Variants in ABCA3 observed in about 807,000 individuals in gnomAD.
ABCA3 encodes the protein ATP binding cassette subfamily A member 3, also known as phospholipid-transporting ATPase ABCA3.
Under a neutral mutation model 172.8 loss-of-function variants are expected in ABCA3, and 88 were observed. The ratio of observed to expected loss-of-function variants is 0.51; its 90% CI spans 0.43 to 0.61. The LOEUF (loss-of-function observed/expected upper bound fraction) is 0.61, where lower values mean the gene tolerates loss of function less well. Among genes scored for constraint, ABCA3 ranks in the 20% least tolerant of loss-of-function variants. The pLI is 0.00. For missense variants in ABCA3, 2,164 were observed against 2,301.0 expected (o/e 0.94, Z 1.22); for synonymous variants, 1,066 against 983.8 (o/e 1.08, Z -1.56).
rs1231161342 is a variant in ABCA3, at chr16:2,326,164, G to A, written c.165C>T (p.Thr55=). The change falls in exon 5 of 33, where the codon ACC becomes ACT. Residue 55 remains threonine, a synonymous_variant. Transcript: ENST00000301732. The part of the protein sequence containing the change: ...KIQSENVPNA[T]IYPGQSIQEL... ...CCTGGATGGACTGGCCCGGGTAGAT[G>A]GTGGCGTTGGGCACATTTTCCGACT... 1 of 1,614,172 alleles carries A rather than the reference G, an allele frequency of 6.2e-7. No homozygotes were observed. The highest frequency in any genetic ancestry group is 8.5e-7 in the Non-Finnish European group (1 of 1,180,052).
rs2093697477 is a variant in ABCA3 at position 2,306,307 on chromosome 16, G to GCCTC, written c.1285+2142_1285+2143insGAGG. 2.6e-5 allele frequency among the ~76,000 whole-genome samples: 4 copies of GCCTC among 152,074 alleles called. No homozygotes were observed. In the South Asian group the frequency reaches 8.3e-4, roughly 32 times the overall value. The stretch of plus-strand genomic sequence containing the variant: ...GCTACTGCACTCCAGCCTGGGCAAT[G>GCCTC]GAGTAAGACCCTATCTCCAAAAAAA... On this transcript the variant is annotated intron_variant, in intron 11 of 32. Transcript: ENST00000301732.
At position 2,297,190 on chromosome 16, in the gene ABCA3, T is replaced by C; in HGVS notation, c.2263+139A>G. 1 of 936,988 alleles carries C rather than the reference T, an allele frequency of 1.1e-6. No homozygotes were observed. Among genetic ancestry groups the C allele is most frequent in the South Asian group, 1.4e-5 (1 of 71,408 alleles). The allele number at this position is 936,988 out of a possible 1,614,324, so 58.0% of individuals were successfully genotyped here. A position where few individuals can be genotyped will look rare whatever the true frequency, so the allele number is the denominator to read the frequency against. ...CAAGCCCCCCTGCCTGGTTGGGCTC[T>C]CCACCCAGAGGCAACAGACAGGAAG... On this transcript the variant is annotated intron_variant, in intron 17 of 32. Coordinates refer to ENST00000301732, the MANE Select transcript of ABCA3 (RefSeq NM_001089.3). This position sits in a 1 kb window ranked among gnomAD's most constrained non-coding sequence, Gnocchi z 5.6.
intron 17 of ABCA3, among the ~76,000 whole-genome samples, chr16:2,296,697 G>C (rs1307266144): frequency 6.6e-6 from 1 of 152,210 alleles, no homozygotes; most frequent in Non-Finnish European, 1.5e-5. Context: ...ACAAAACCCT[G>C]GTATCTTGGC....
At chr16:2,315,641 G>A (rs1000112690) in intron 10 of ABCA3, among the ~76,000 whole-genome samples, 5 of 152,172 alleles carry the variant, frequency 3.3e-5, no homozygotes, top group East Asian at 1.9e-4. Flanking sequence ...GCACAGGAAT[G>A]TCACATAGGA....
At chr16:2,325,576 C>T (rs577749585) in intron 5 of ABCA3, among the ~76,000 whole-genome samples, 8 of 152,260 alleles carry the variant, frequency 5.3e-5, no homozygotes, top group Non-Finnish European at 7.4e-5. Context: ...TCTGCCAGGT[C>T]GTATTTAAGT....
chr16:2,325,475 C>T (rs764437367), intron 5 of ABCA3, among the ~76,000 whole-genome samples: 13 of 152,160 alleles, frequency 8.5e-5, no homozygotes, highest in Admixed American at 3.3e-4. Flanking sequence ...GCTCAGCCGC[C>T]GAGAAGAGAT....
At chr16:2,302,196 T>G (rs756335649) in intron 12 of ABCA3, among the ~76,000 whole-genome samples, 24 of 152,354 alleles carry the variant, frequency 1.6e-4, no homozygotes, top group Middle Eastern at 3.4e-3. Flanking sequence ...CTGAAGGCTG[T>G]GAGACCCCTG....
chr16:2,327,945 T>G (rs1321297233), intron 3 of ABCA3, among the ~76,000 whole-genome samples: 1 of 152,100 alleles, frequency 6.6e-6, no homozygotes, highest in Non-Finnish European at 1.5e-5. Context: ...GGTCTTGAAC[T>G]CCTGACCTCA....
chr16:2,281,023 C>G lies in ABCA3; in HGVS notation c.4359+4G>C, dbSNP rs1567336567. 1.2e-6 allele frequency: 2 copies of G among 1,613,788 alleles called. No homozygotes were observed. Among genetic ancestry groups the G allele is most frequent in the Non-Finnish European group, 1.7e-6 (2 of 1,180,024 alleles). On this transcript the variant is annotated splice_donor_region_variant and intron_variant, in intron 28 of 32. Transcript: ENST00000301732. This position sits in a 1 kb window ranked among gnomAD's most constrained non-coding sequence, Gnocchi z 4.7. ...CCCTTCAGAGCCTCCCTGGCTGCAC[C>G]CACCTTTCCGACATCAGAGCTGATT...
In ABCA3 at chr16:2,279,472, G is replaced by A. The variant is rs550207954; in HGVS notation, c.4360-342C>T. Among the ~76,000 whole-genome samples the A allele has an allele frequency of 6.6e-6, 1 of 152,298 alleles. No homozygotes were observed. Among genetic ancestry groups the A allele is most frequent in the Non-Finnish European group, 1.5e-5 (1 of 68,028 alleles). On this transcript the variant is annotated intron_variant, in intron 28 of 32. Coordinates refer to ENST00000301732, the MANE Select transcript of ABCA3 (RefSeq NM_001089.3). The surrounding 1 kb of genome is among the most constrained non-coding windows in gnomAD (Gnocchi z 4.4). Reference sequence around the variant, plus strand: ...CTGGCTACCCACTCATTCACACCTGGGACATCTGATGTGCTAGGACTCTTT... The same window carrying A: ...CTGGCTACCCACTCATTCACACCTGAGACATCTGATGTGCTAGGACTCTTT...
At chr16:2,289,292 G>T in intron 20 of ABCA3, 142 bp downstream of exon 20, 1 of 1,027,590 alleles carries the variant, frequency 9.7e-7, no homozygotes, top group Non-Finnish European at 1.4e-6. Context: ...GGTGTGAGCC[G>T]CTGCCCGCCC....
intron 10 of ABCA3, among the ~76,000 whole-genome samples, chr16:2,309,055 C>A (rs2093702510): frequency 6.6e-6 from 1 of 152,212 alleles, no homozygotes; most frequent in Non-Finnish European, 1.5e-5. Flanking sequence ...ACGCCATTCT[C>A]CTACCTCAGC....
chr16:2,316,424 C>T (rs1247225352), intron 10 of ABCA3, among the ~76,000 whole-genome samples: 1 of 135,784 alleles, frequency 7.4e-6, no homozygotes, highest in African/African-American at 2.7e-5. Flanking sequence ...GAGTATGGAT[C>T]GCTTGAGGTC....
rs960465967 is a variant in ABCA3, at chr16:2,283,474, T to C, written c.3863-116A>G. ...TCAAGGCGCCTGTAACAATGTCCCC[T>C]CCATGGGGAGATGTGAAGGCCAGTA... On this transcript the variant is annotated intron_variant, in intron 25 of 32. Transcript: ENST00000301732. The surrounding 1 kb of genome is among the most constrained non-coding windows in gnomAD (Gnocchi z 5.4). The C allele has an allele frequency of 8.3e-7, 1 of 1,208,906 alleles. No homozygotes were observed. Among genetic ancestry groups the C allele is most frequent in the African/African-American group, 1.5e-5 (1 of 65,616 alleles). 74.9% of individuals were successfully genotyped at this position (1,208,906 alleles called of 1,614,324 possible).
Position 2,276,567 on chromosome 16 carries a change from A to T in ABCA3, c.*107T>A, listed in dbSNP as rs1046688170. The T allele has an allele frequency of 2.6e-6, 4 of 1,539,070 alleles. No homozygotes were observed. In the East Asian group the frequency reaches 9.4e-5, roughly 36 times the overall value. ...TGAATTTTTCATATCCATCATAGAA[A>T]AAAGTGATTAAAAATAAAGGATGAG... On this transcript the variant is annotated 3_prime_UTR_variant, in exon 33 of 33. Transcript: ENST00000301732.
Position 2,276,157 on chromosome 16 carries a change from A to G in ABCA3, c.*517T>C. 2.8e-6 allele frequency: 1 copy of G among 362,048 alleles called. No homozygotes were observed. The highest frequency in any genetic ancestry group is 5.5e-6 in the Non-Finnish European group (1 of 180,524). The allele number at this position is 362,048 out of a possible 1,614,324, so 22.4% of individuals were successfully genotyped here. ...TGCCCCCGGGCTGCGCTGGACGCTA[A>G]GACCCCAGCACCTAATCACAGTCAG... On this transcript the variant is annotated 3_prime_UTR_variant, in exon 33 of 33. Coordinates refer to ENST00000301732, the MANE Select transcript of ABCA3 (RefSeq NM_001089.3).
intron 10 of ABCA3, among the ~76,000 whole-genome samples, chr16:2,309,235 C>G (rs1248599517): frequency 6.6e-6 from 1 of 152,210 alleles, no homozygotes; most frequent in African/African-American, 2.4e-5. Flanking sequence ...CGTGAGCCAC[C>G]GTGCCCAGCC....
chr16:2,318,670 G>A (rs534379496), intron 8 of ABCA3, among the ~76,000 whole-genome samples: 3 of 151,958 alleles, frequency 2.0e-5, no homozygotes, highest in Admixed American at 1.3e-4. Context: ...ATGCTACCAC[G>A]CCTGGCTAAT....
chr16:2,292,357 T>C, intron 18 of ABCA3, 119 bp from the exon 19 acceptor site: 1 of 825,890 alleles, frequency 1.2e-6, no homozygotes, highest in South Asian at 1.4e-5. Context: ...CCCAGCACTT[T>C]GGGACGCCAA....
Sources: allele counts gnomAD v4.1 joint callset (sites outside exome capture counted in the v4.1 genomes callset), GRCh38; gene constraint gnomAD v4.1.1; non-coding constraint Gnocchi (gnomAD v3.1); transcripts MANE v1.5; gene names NCBI Gene and HGNC (gene_info 2026-07-23, HGNC 2026-07-21).